IFNGR2: variants seen among roughly 807,000 people sequenced by gnomAD.
IFNGR2 encodes IFN-gamma receptor 2.
Under a neutral mutation model 41.1 loss-of-function variants are expected in IFNGR2, and 15 were observed. The observed-to-expected ratio is 0.37, with a 90% confidence interval of 0.24 to 0.56. The LOEUF is 0.56. Ranked by LOEUF, IFNGR2 falls within the 20% of genes least tolerant of loss-of-function variation. The pLI, the probability that IFNGR2 is intolerant of heterozygous loss-of-function variation, is 0.81. For missense variants in IFNGR2, 362 were observed against 415.7 expected, an observed-to-expected ratio of 0.87 and a Z score of 1.12; for synonymous variants, 161 against 171.6, an observed-to-expected ratio of 0.94 and a Z score of 0.48.
rs557467707 is a variant in IFNGR2, at chr21:33,431,632, C to T, written c.562-545C>T. Among the ~76,000 whole-genome samples the T allele has an allele frequency of 5.3e-5, 8 of 152,304 alleles. No individual in the cohort carries two copies. In the South Asian group the frequency reaches 1.2e-3, roughly 24 times the overall value. On this transcript the variant is annotated intron_variant, in intron 4 of 6. Coordinates refer to ENST00000290219, the MANE Select transcript of IFNGR2 (RefSeq NM_005534.4). Reference sequence around the variant, plus strand: ...GAGTCTTGCTCTTCATCCAGGCTGGCGCAATCTCAGCTCACTGCACCCTCT... The same window carrying T: ...GAGTCTTGCTCTTCATCCAGGCTGGTGCAATCTCAGCTCACTGCACCCTCT...
intron 1 of IFNGR2, among the ~76,000 whole-genome samples, chr21:33,407,465 A>G (rs2083684698): frequency 6.6e-6 from 1 of 152,244 alleles, no homozygotes; most frequent in East Asian, 1.9e-4. Flanking sequence ...CAAGTGCTTT[A>G]TATACATTAC....
chr21:33,409,836 G>A (rs2083703775), intron 1 of IFNGR2, among the ~76,000 whole-genome samples: 1 of 152,118 alleles, frequency 6.6e-6, no homozygotes, highest in African/African-American at 2.4e-5. Flanking sequence ...CCTAAGTGAG[G>A]TTTTGAAAAT....
At position 33,432,546 on chromosome 21, in the gene IFNGR2, T is replaced by C. The variant is rs2083899181; in HGVS notation, c.722-168T>C. The stretch of plus-strand genomic sequence containing the variant: ...CCACTTGCTTTATTTCATTACAGGA[T>C]TGACTTTAGCTATTAATGTAAGCAT... On this transcript the variant is annotated intron_variant, in intron 5 of 6. Transcript: ENST00000290219. The C allele has an allele frequency of 5.7e-6, 5 of 880,090 alleles. No homozygotes were observed. The Admixed American group carries it at 5.8e-5, about 10-fold the overall frequency. 54.5% of individuals were successfully genotyped at this position (880,090 alleles called of 1,614,324 possible).
chr21:33,423,525 C>T (rs1371944482), intron 3 of IFNGR2, among the ~76,000 whole-genome samples: 1 of 151,790 alleles, frequency 6.6e-6, no homozygotes, highest in African/African-American at 2.4e-5. Flanking sequence ...AAGTGAGCCT[C>T]CCAAGTAGCT....
At chr21:33,409,515 G>A (rs1469096800) in intron 1 of IFNGR2, among the ~76,000 whole-genome samples, 2 of 152,048 alleles carry the variant, frequency 1.3e-5, no homozygotes, top group African/African-American at 2.4e-5. Flanking sequence ...AAATTATGTA[G>A]GTCCAAAATA....
intron 4 of IFNGR2, among the ~76,000 whole-genome samples, chr21:33,431,599 T>C (rs1374420894): frequency 2.6e-5 from 4 of 152,244 alleles, no homozygotes; most frequent in African/African-American, 9.6e-5. Context: ...AATGTTTGTT[T>C]TGAGATGGAG....
chr21:33,426,898 C>T lies in IFNGR2; in HGVS notation c.427C>T (p.Pro143Ser). ...QHYRNVTVGP[P>S]ENIEVTPGEG... ...TTCTTTTTCAGTGACTGTCGGGCCT[C>T]CAGAAAACATTGAGGTGACCCCAGG... Residue 143 changes from proline (P) to serine (S), a missense_variant, in exon 4 of 7, where the codon CCA becomes TCA. By Grantham distance (74) the Pro-to-Ser change is moderately conservative. Coordinates refer to ENST00000290219, the MANE Select transcript of IFNGR2 (RefSeq NM_005534.4). The T allele has an allele frequency of 6.2e-7, 1 of 1,613,474 alleles. No homozygotes were observed. The highest frequency in any genetic ancestry group is 1.3e-5 in the African/African-American group (1 of 74,826).
intron 1 of IFNGR2, among the ~76,000 whole-genome samples, 164 bp from the exon 2 acceptor site, chr21:33,414,722 CGG>C (rs1357911186): frequency 1.3e-5 from 2 of 152,168 alleles, no homozygotes; most frequent in Non-Finnish European, 2.9e-5. Context: ...AGCCAAAAGT[CGG>C]GGGTGTGGGG....
intron 2 of IFNGR2, among the ~76,000 whole-genome samples, chr21:33,418,348 G>GC (rs1328660343): frequency 1.3e-5 from 2 of 152,134 alleles, no homozygotes; most frequent in African/African-American, 4.8e-5. Context: ...AAGCCATCAC[G>GC]CCCAGCCTAG....
At chr21:33,403,929 T>C (rs1240407409) in intron 1 of IFNGR2, among the ~76,000 whole-genome samples, 1 of 152,006 alleles carries the variant, frequency 6.6e-6, no homozygotes, top group Non-Finnish European at 1.5e-5. Context: ...GGGGCACCCC[T>C]CCTGGCGTCC....
chr21:33,423,036 C>CTTTTTTTTTTT (rs1158807047), intron 3 of IFNGR2, among the ~76,000 whole-genome samples: 1 of 117,372 alleles, frequency 8.5e-6, no homozygotes, highest in Non-Finnish European at 1.8e-5. Flanking sequence ...CTTCCCTCTA[C>CTTTTTTTTTTT]TTTTTTTTTT....
chr21:33,430,005 G>A (rs563042079), intron 4 of IFNGR2, among the ~76,000 whole-genome samples: 1 of 152,182 alleles, frequency 6.6e-6, no homozygotes, highest in Non-Finnish European at 1.5e-5. Flanking sequence ...CAGGCGTGGT[G>A]GTGGGCACCT....
chr21:33,409,473 T>C (rs1343322453), intron 1 of IFNGR2, among the ~76,000 whole-genome samples: 1 of 152,024 alleles, frequency 6.6e-6, no homozygotes, highest in East Asian at 1.9e-4. Context: ...TGAGACTCTG[T>C]CTCAAAAGAA....
intron 2 of IFNGR2, among the ~76,000 whole-genome samples, chr21:33,416,564 T>C (rs2123341436): frequency 6.6e-6 from 1 of 152,312 alleles, no homozygotes; most frequent in East Asian, 1.9e-4. Flanking sequence ...GGCTCACGCC[T>C]GTAATCCCAG....
chr21:33,426,780 T>A, intron 3 of IFNGR2, 104 bp from the exon 4 acceptor site: 1 of 565,266 alleles, frequency 1.8e-6, no homozygotes, highest in East Asian at 3.7e-5. Flanking sequence ...ACACCCACTA[T>A]ATATATATAT....
intron 4 of IFNGR2, among the ~76,000 whole-genome samples, chr21:33,430,639 G>A (rs8132535): frequency 0.58 from 88,337 of 151,652 alleles, 27,709 homozygotes; most frequent in East Asian, 0.83. Flanking sequence ...CTGTAGAGAC[G>A]GAGGGAGGGG....
intron 6 of IFNGR2, among the ~76,000 whole-genome samples, chr21:33,434,279 G>T (rs1268802495): frequency 6.6e-6 from 1 of 152,098 alleles, no homozygotes; most frequent in Non-Finnish European, 1.5e-5. Flanking sequence ...CCCAGGACTT[G>T]GGGAGGCCAG....
intron 1 of IFNGR2, among the ~76,000 whole-genome samples, chr21:33,410,472 AT>A (rs879654908): frequency 8.3e-4 from 92 of 110,524 alleles, no homozygotes; most frequent in Middle Eastern, 0.01. Flanking sequence ...GCCTACAACA[AT>A]TTTTTTTTTT....
chr21:33,434,382 C>T (rs79921263), intron 6 of IFNGR2, among the ~76,000 whole-genome samples: 56 of 152,046 alleles, frequency 3.7e-4, no homozygotes, highest in African/African-American at 1.0e-3. Context: ...ATTAGCCGGG[C>T]GTGGTGGTGG....
Sources: allele counts gnomAD v4.1 joint callset (sites outside exome capture counted in the v4.1 genomes callset), GRCh38; gene constraint gnomAD v4.1.1; transcripts MANE v1.5; gene names NCBI Gene and HGNC (gene_info 2026-07-23, HGNC 2026-07-21).